CCDC171: variants seen among roughly 807,000 people sequenced by gnomAD.
The protein encoded by CCDC171 is coiled-coil domain-containing protein 171.
Under a neutral mutation model 168.2 loss-of-function variants are expected in CCDC171, and 177 were observed. That is an observed-to-expected ratio of 1.05 (90% confidence interval 0.93 to 1.19). The LOEUF is 1.19. CCDC171 is among the 50% of genes most tolerant of loss of function. CCDC171 has a pLI of 0.00. For missense variants in CCDC171, 1,991 were observed against 1,539.0 expected, an observed-to-expected ratio of 1.29 and a Z score of -4.91; for synonymous variants, 687 against 540.8, an observed-to-expected ratio of 1.27 and a Z score of -3.75.
At chr9:15,778,878 C>CT in intron 19 of CCDC171, 90 bp from the exon 20 acceptor site, 5 of 967,668 alleles carry the variant, frequency 5.2e-6, no homozygotes, top group Non-Finnish European at 7.0e-6. Context: ...TTTGGATAAT[C>CT]TAAGTTACAT....
In CCDC171 at chr9:15,878,888, A is replaced by G. The variant is rs529583581; in HGVS notation, c.3600+4225A>G. ...ATCTAACACGGGAACAGAAAACCAA[A>G]CACCACATGTTCTTGTAAGTGGGAG... On this transcript the variant is annotated intron_variant, in intron 24 of 25. Coordinates refer to ENST00000380701, the MANE Select transcript of CCDC171 (RefSeq NM_173550.4). Among the ~76,000 whole-genome samples the G allele has an allele frequency of 9.2e-5, 14 of 152,290 alleles. No individual in the cohort carries two copies. In the East Asian group the frequency reaches 2.3e-3, roughly 25 times the overall value.
In CCDC171 at chr9:15,565,563, C is replaced by A. The variant is rs1056148288; in HGVS notation, c.41+1434C>A. On this transcript the variant is annotated intron_variant, in intron 2 of 25. Transcript: ENST00000380701. ...TTATTTAAAATCTGCTACTAATCTA[C>A]TTTCTGTTTCTATAGATTTGCCTTT... is the stretch of plus-strand genomic sequence containing the variant. 2.0e-5 allele frequency among the ~76,000 whole-genome samples: 3 copies of A among 152,138 alleles called. No homozygotes were observed. In the East Asian group the frequency reaches 5.8e-4, roughly 29 times the overall value.
intron 24 of CCDC171, among the ~76,000 whole-genome samples, chr9:15,915,109 C>T (rs1281206911): frequency 1.3e-5 from 2 of 151,906 alleles, no homozygotes; most frequent in African/African-American, 2.4e-5. Context: ...TGCCAGGAAT[C>T]CTCTATTTTT....
At chr9:15,574,977 T>G (rs1423313521) in intron 3 of CCDC171, among the ~76,000 whole-genome samples, 1 of 152,066 alleles carries the variant, frequency 6.6e-6, no homozygotes, top group Non-Finnish European at 1.5e-5. Context: ...TGTAGGTGAT[T>G]GGGATGGGAA....
intron 24 of CCDC171, among the ~76,000 whole-genome samples, chr9:15,879,222 C>G (rs116994473): frequency 6.1e-3 from 931 of 152,246 alleles, no homozygotes; most frequent in Non-Finnish European, 0.01. Flanking sequence ...AATACAAACT[C>G]ACATGCACAT....
intron 10 of CCDC171, among the ~76,000 whole-genome samples, chr9:15,686,500 G>A (rs1029348964): frequency 6.6e-6 from 1 of 151,626 alleles, no homozygotes; most frequent in Non-Finnish European, 1.5e-5. Flanking sequence ...GGGCAACAGA[G>A]TGAGACTCCA....
At chr9:15,989,346 A>G (rs1589301066) in intron 3 of CCDC171, among the ~76,000 whole-genome samples, 1 of 152,348 alleles carries the variant, frequency 6.6e-6, no homozygotes, top group East Asian at 1.9e-4. Flanking sequence ...GCAAACTCCA[A>G]CAGACCTGCA....
At chr9:15,952,940 C>T (rs1304285861) in intron 25 of CCDC171, among the ~76,000 whole-genome samples, 1 of 152,018 alleles carries the variant, frequency 6.6e-6, no homozygotes, top group African/African-American at 2.4e-5. Context: ...CTTTTTGATG[C>T]TATTTAAATG....
At chr9:16,027,669 G>A (rs1833299983) in intron 6 of CCDC171, among the ~76,000 whole-genome samples, 1 of 152,128 alleles carries the variant, frequency 6.6e-6, no homozygotes, top group African/African-American at 2.4e-5. Flanking sequence ...CTGGTGCACG[G>A]CACAAAACAT....
At chr9:15,684,876 T>C (rs1258906498) in intron 10 of CCDC171, among the ~76,000 whole-genome samples, 1 of 152,228 alleles carries the variant, frequency 6.6e-6, no homozygotes, top group African/African-American at 2.4e-5. Flanking sequence ...TTGATATTTT[T>C]AGTCCCCTGT....
At chr9:15,961,113 A>G (rs1830292122) in intron 25 of CCDC171, among the ~76,000 whole-genome samples, 1 of 152,118 alleles carries the variant, frequency 6.6e-6, no homozygotes, top group Admixed American at 6.5e-5. Context: ...AGGTTTAGGA[A>G]AGTCATTTCT....
At chr9:15,635,380 A>G (rs1398633795) in intron 7 of CCDC171, among the ~76,000 whole-genome samples, 2 of 152,020 alleles carry the variant, frequency 1.3e-5, no homozygotes, top group African/African-American at 2.4e-5. Context: ...TTTGTACTGT[A>G]TATATATATA....
At chr9:15,718,230 A>G (rs1374281235) in intron 11 of CCDC171, among the ~76,000 whole-genome samples, 1 of 152,172 alleles carries the variant, frequency 6.6e-6, no homozygotes, top group East Asian at 1.9e-4. Context: ...AGTGGTGGCC[A>G]GGGGGAGAGA....
In CCDC171 at chr9:15,818,130, G is replaced by T. The variant is rs1486770256; in HGVS notation, c.3268-28572G>T. 1.7e-5 allele frequency among the ~76,000 whole-genome samples: 2 copies of T among 117,728 alleles called. 1 individual carries two copies. The highest frequency in any genetic ancestry group is 6.4e-5 in the African/African-American group (2 of 31,268). 77.2% of individuals were successfully genotyped at this position (117,728 alleles called of 152,430 possible). A position where few individuals can be genotyped will look rare whatever the true frequency, so the allele number is the denominator to read the frequency against. On this transcript the variant is annotated intron_variant, in intron 21 of 25. Coordinates refer to ENST00000380701, the MANE Select transcript of CCDC171 (RefSeq NM_173550.4). Reference sequence around the variant, plus strand: ...AAACCCCAACAGACCTGCAGCTGAGGATCCTGACTGTTAGAAGGAAAACTA... The same window carrying T: ...AAACCCCAACAGACCTGCAGCTGAGTATCCTGACTGTTAGAAGGAAAACTA...
intron 23 of CCDC171, among the ~76,000 whole-genome samples, chr9:15,869,513 G>GTT (rs72548935): frequency 0.41 from 60,367 of 147,812 alleles, 12,551 homozygotes; most frequent in African/African-American, 0.47. Flanking sequence ...AAAGCGTAGT[G>GTT]TTTTTTTTTT....
intron 1 of CCDC171, among the ~76,000 whole-genome samples, chr9:15,562,356 T>C (rs2039373662): frequency 6.6e-6 from 1 of 152,096 alleles, no homozygotes. Flanking sequence ...ATAAAAGTCT[T>C]ATATAATGTA....
At chr9:15,696,190 G>C (rs2051199715) in intron 11 of CCDC171, among the ~76,000 whole-genome samples, 1 of 152,130 alleles carries the variant, frequency 6.6e-6, no homozygotes, top group Non-Finnish European at 1.5e-5. Flanking sequence ...GAATCTAACA[G>C]CAATTTGGCA....
intron 10 of CCDC171, among the ~76,000 whole-genome samples, chr9:15,685,414 C>T (rs1587951097): frequency 6.6e-6 from 1 of 151,904 alleles, no homozygotes; most frequent in South Asian, 2.1e-4. Context: ...ACCATTGAGC[C>T]CAGGAGTTTG....
At chr9:15,612,322 G>T (rs1044973787) in intron 6 of CCDC171, among the ~76,000 whole-genome samples, 12 of 152,120 alleles carry the variant, frequency 7.9e-5, no homozygotes, top group African/African-American at 2.9e-4. Flanking sequence ...TCACTTGTCA[G>T]TTTGCTTTCT....
Sources: gnomAD v4.1 joint callset for allele counts (sites outside exome capture counted in the v4.1 genomes callset) on GRCh38, gnomAD v4.1.1 for gene constraint, MANE v1.5 for transcripts, NCBI Gene and HGNC (gene_info 2026-07-23, HGNC 2026-07-21) for gene names.